The following CHRDL2 variants were observed in gnomAD, a reference collection of about 807,000 sequenced individuals.
CHRDL2 encodes chordin like 2.
Under a neutral mutation model 54.3 loss-of-function variants are expected in CHRDL2, and 41 were observed. The ratio of observed to expected loss-of-function variants is 0.76; its 90% confidence interval spans 0.59 to 0.98. The LOEUF is 0.98. Ranked by LOEUF, CHRDL2 falls within the 50% of genes least tolerant of loss-of-function variation. The pLI, the probability that CHRDL2 is intolerant of heterozygous loss-of-function variation, is 0.00. For missense variants in CHRDL2, 518 were observed against 562.4 expected, an observed-to-expected ratio of 0.92 and a Z score of 0.80; for synonymous variants, 220 against 224.3, an observed-to-expected ratio of 0.98 and a Z score of 0.17.
chr11:74,700,297 A>T (rs894359449), intron 9 of CHRDL2, among the ~76,000 whole-genome samples: 2 of 152,240 alleles, frequency 1.3e-5, no homozygotes, highest in Non-Finnish European at 2.9e-5. Flanking sequence ...TGAGCTCTGG[A>T]GCCAGCGTTT....
intron 2 of CHRDL2, among the ~76,000 whole-genome samples, chr11:74,717,558 C>T (rs186020971): frequency 6.6e-5 from 10 of 152,124 alleles, no homozygotes; most frequent in African/African-American, 1.9e-4. Flanking sequence ...GGGGCCAACA[C>T]GGTAGAAGCA....
At chr11:74,709,815 C>T (rs1356685562) in intron 4 of CHRDL2, among the ~76,000 whole-genome samples, 1 of 152,198 alleles carries the variant, frequency 6.6e-6, no homozygotes, top group Admixed American at 6.5e-5. Context: ...CTCCCTTACG[C>T]ACTCAGAGGA....
chr11:74,705,005 C>G (rs116138901), intron 6 of CHRDL2, among the ~76,000 whole-genome samples: 1 of 152,144 alleles, frequency 6.6e-6, no homozygotes, highest in African/African-American at 2.4e-5. Flanking sequence ...ATTTGGGAAA[C>G]AGAAGGTGAG....
At chr11:74,716,785 G>GCAGAA (rs1779650248) in intron 2 of CHRDL2, among the ~76,000 whole-genome samples, 1 of 151,432 alleles carries the variant, frequency 6.6e-6, no homozygotes, top group Non-Finnish European at 1.5e-5. Flanking sequence ...GACATGATCA[G>GCAGAA]TTTCATGCTG....
chr11:74,696,895 G>A (rs528840968), intron 10 of CHRDL2, among the ~76,000 whole-genome samples: 9 of 152,314 alleles, frequency 5.9e-5, no homozygotes, highest in African/African-American at 1.7e-4. Flanking sequence ...AGGTATAGAA[G>A]GAAAGTGGAA....
chr11:74,700,557 GGA>G (rs376232970), intron 9 of CHRDL2, among the ~76,000 whole-genome samples: 1 of 151,880 alleles, frequency 6.6e-6, no homozygotes. Context: ...TGGGGGCAGC[GGA>G]GAGAGAGAGG....
intron 1 of CHRDL2, among the ~76,000 whole-genome samples, chr11:74,720,534 C>G (rs549940798): frequency 3.3e-5 from 5 of 152,310 alleles, no homozygotes; most frequent in Admixed American, 6.5e-5. Context: ...CAGCCACCAT[C>G]CCCGACTCCC....
At chr11:74,697,147 T>C (rs1050786607) in intron 10 of CHRDL2, 58 bp downstream of exon 10, 28 of 1,401,042 alleles carry the variant, frequency 2.0e-5, no homozygotes, top group Non-Finnish European at 2.6e-5. Context: ...CGAAAGGCTC[T>C]GGCCCGTGTC....
intron 9 of CHRDL2, chr11:74,701,532 A>G (rs1392809244): frequency 1.4e-6 from 1 of 709,590 alleles, no homozygotes; most frequent in Non-Finnish European, 2.6e-6. Flanking sequence ...AGAGTAGAGC[A>G]GGGAAAGAGC....
chr11:74,701,560 G>A (rs1404984663), intron 9 of CHRDL2: 1 of 715,708 alleles, frequency 1.4e-6, no homozygotes, highest in Non-Finnish European at 2.6e-6. Flanking sequence ...GACGCCACAA[G>A]ACATGGGCTC....
chr11:74,709,612 G>A (rs1344809991), intron 4 of CHRDL2, among the ~76,000 whole-genome samples: 38 of 152,156 alleles, frequency 2.5e-4, no homozygotes, highest in Admixed American at 2.5e-3. Flanking sequence ...TTTGCAGGCT[G>A]TTTGCTCTGC....
chr11:74,723,836 C>A (rs1206958612), intron 1 of CHRDL2, among the ~76,000 whole-genome samples: 1 of 152,208 alleles, frequency 6.6e-6, no homozygotes, highest in Non-Finnish European at 1.5e-5. Context: ...CGTATGAATT[C>A]TTTATTTCTG....
intron 4 of CHRDL2, among the ~76,000 whole-genome samples, chr11:74,710,043 C>T (rs1443396989): frequency 4.0e-5 from 6 of 151,856 alleles, no homozygotes; most frequent in Admixed American, 1.3e-4. Flanking sequence ...GGTGAAACCC[C>T]GACTCTACTA....
intron 9 of CHRDL2, among the ~76,000 whole-genome samples, chr11:74,699,902 G>A (rs186123841): frequency 6.6e-6 from 1 of 152,238 alleles, no homozygotes; most frequent in Non-Finnish European, 1.5e-5. Flanking sequence ...TGAGGAGATG[G>A]GGTGCGGTTT....
intron 1 of CHRDL2, among the ~76,000 whole-genome samples, chr11:74,728,456 G>A (rs766113939): frequency 2.0e-5 from 3 of 152,176 alleles, no homozygotes; most frequent in Non-Finnish European, 4.4e-5. Context: ...CTCAGATAAA[G>A]AAGTGGTCTG....
chr11:74,709,945 G>A (rs1179366297), intron 4 of CHRDL2, among the ~76,000 whole-genome samples: 6 of 152,282 alleles, frequency 3.9e-5, no homozygotes, highest in Non-Finnish European at 5.9e-5. Flanking sequence ...GGCTGGGCGC[G>A]GTGGCTCACG....
At chr11:74,724,762 A>G (rs566803657) in intron 1 of CHRDL2, among the ~76,000 whole-genome samples, 1 of 152,304 alleles carries the variant, frequency 6.6e-6, no homozygotes, top group South Asian at 2.1e-4. Flanking sequence ...CCTCATTACA[A>G]TTCTCATCAC....
intron 1 of CHRDL2, among the ~76,000 whole-genome samples, chr11:74,730,134 G>A (rs2034628795): frequency 6.6e-6 from 1 of 152,170 alleles, no homozygotes; most frequent in Admixed American, 6.5e-5. Flanking sequence ...ATTCAGCGGG[G>A]CTGGGATGGT....
At chr11:74,704,764 G>A (rs761098753) in intron 6 of CHRDL2, 110 bp from the exon 7 acceptor site, 2 of 1,062,310 alleles carry the variant, frequency 1.9e-6, no homozygotes, top group Non-Finnish European at 1.4e-6. Context: ...ACCCCAGCAT[G>A]ACTTCCCAGA....
Sources: gnomAD v4.1 joint callset for allele counts (sites outside exome capture counted in the v4.1 genomes callset) on GRCh38, gnomAD v4.1.1 for gene constraint, MANE v1.5 for transcripts, NCBI Gene and HGNC (gene_info 2026-07-23, HGNC 2026-07-21) for gene names.